Variants in NSMAF observed in about 807,000 individuals in gnomAD.
NSMAF encodes protein FAN.
NSMAF carries 90 observed loss-of-function variants against 134.9 expected under a neutral mutation model. The observed-to-expected ratio is 0.67, with a 90% CI of 0.56 to 0.79. The LOEUF (loss-of-function observed/expected upper bound fraction) is 0.79, where lower values mean the gene tolerates loss of function less well. NSMAF is among the 30% of genes least tolerant of loss of function. NSMAF has a pLI of 0.00. For missense variants in NSMAF, 1,010 were observed against 1,119.0 expected, an observed-to-expected ratio of 0.90 and a Z score of 1.39; for synonymous variants, 358 against 389.6, an observed-to-expected ratio of 0.92 and a Z score of 0.96.
chr8:58,658,631 A>G (rs1807776609), intron 1 of NSMAF, among the ~76,000 whole-genome samples: 4 of 152,232 alleles, frequency 2.6e-5, no homozygotes, highest in Admixed American at 2.6e-4. Flanking sequence ...TGTGGCTCTC[A>G]CAATCAAAAC....
At chr8:58,624,062 G>C (rs12682397) in intron 6 of NSMAF, among the ~76,000 whole-genome samples, 1 of 82,714 alleles carries the variant, frequency 1.2e-5, no homozygotes, top group Non-Finnish European at 2.3e-5. Context: ...TTTTTTTTGA[G>C]ACAGAGTCTT....
chr8:58,640,886 T>C (rs1335896911), intron 2 of NSMAF, among the ~76,000 whole-genome samples: 1 of 151,976 alleles, frequency 6.6e-6, no homozygotes, highest in Non-Finnish European at 1.5e-5. Flanking sequence ...TTCTCTTTGA[T>C]TTTTAGGGTT....
intron 16 of NSMAF, 131 bp from the exon 17 acceptor site, chr8:58,600,152 C>A: frequency 1.5e-6 from 1 of 682,844 alleles, no homozygotes; most frequent in South Asian, 1.9e-5. Flanking sequence ...ATAGTTCTAA[C>A]CATCTCTCTG....
chr8:58,623,822 A>C (rs757391853), intron 6 of NSMAF, 42 bp from the exon 7 acceptor site: 1 of 1,506,052 alleles, frequency 6.6e-7, no homozygotes, highest in East Asian at 2.3e-5. Flanking sequence ...GAAGAGAAGA[A>C]GTGTGCCAAA....
chr8:58,637,460 C>A (rs1339992981), intron 2 of NSMAF: 2 of 455,170 alleles, frequency 4.4e-6, no homozygotes, highest in East Asian at 1.4e-4. Context: ...CCCACTCTTA[C>A]CACTACTATT....
rs1295214525 is a variant in NSMAF, at chr8:58,606,023, A to G, written c.772T>C (p.Phe258Leu). 6.3e-7 allele frequency: 1 copy of G among 1,589,574 alleles called. No individual in the cohort carries two copies. The highest frequency in any genetic ancestry group is 1.4e-5 in the African/African-American group (1 of 73,488). The change falls in exon 12 of 31, where the codon TTT (phenylalanine) becomes CTT (leucine). Residue 258 changes from phenylalanine to leucine, a missense_variant. Phe to Leu is a conservative substitution (Grantham distance 22). Coordinates refer to ENST00000038176, the MANE Select transcript of NSMAF (RefSeq NM_003580.4). ...HGLMPLGLEV[F>L]CTEDDLCSDI... ...GAACACAGATCATCTTCTGTGCAAAATACTTCCAAGCCCTATAAATTCAAA... is the reference window on the plus strand; with the variant it reads ...GAACACAGATCATCTTCTGTGCAAAGTACTTCCAAGCCCTATAAATTCAAA...
chr8:58,619,737 C>A (rs1346857499), intron 9 of NSMAF, among the ~76,000 whole-genome samples: 2 of 151,846 alleles, frequency 1.3e-5, no homozygotes, highest in Admixed American at 6.6e-5. Context: ...ACAGGAAAGA[C>A]CTTTATGAAG....
intron 24 of NSMAF, 113 bp downstream of exon 24, chr8:58,590,754 C>T: frequency 7.8e-6 from 9 of 1,146,542 alleles, no homozygotes; most frequent in Non-Finnish European, 1.1e-5. Context: ...GGTAGATTTA[C>T]TACACAGGAA....
At chr8:58,613,155 C>G (rs1014078036) in intron 9 of NSMAF, among the ~76,000 whole-genome samples, 1 of 152,004 alleles carries the variant, frequency 6.6e-6, no homozygotes, top group Admixed American at 6.6e-5. Flanking sequence ...TTATAAACAT[C>G]TAAATATCTA....
At chr8:58,619,651 CAG>C (rs1413547114) in intron 9 of NSMAF, among the ~76,000 whole-genome samples, 53 of 151,970 alleles carry the variant, frequency 3.5e-4, no homozygotes, top group African/African-American at 1.3e-3. Context: ...CAACAATAAA[CAG>C]AAAATAAAAT....
At chr8:58,659,512 C>T in intron 1 of NSMAF, 61 bp downstream of exon 1, 3 of 1,505,706 alleles carry the variant, frequency 2.0e-6, no homozygotes, top group South Asian at 1.3e-5. Flanking sequence ...CTCCGGCCGG[C>T]GTCCCCACGA....
intron 1 of NSMAF, among the ~76,000 whole-genome samples, chr8:58,653,597 T>C (rs1262405080): frequency 6.6e-6 from 1 of 152,032 alleles, no homozygotes; most frequent in East Asian, 1.9e-4. Context: ...TATATATTGA[T>C]AAAAAATTCA....
intron 26 of NSMAF, among the ~76,000 whole-genome samples, chr8:58,588,933 GA>G (rs1805957745): frequency 6.6e-6 from 1 of 151,866 alleles, no homozygotes; most frequent in Non-Finnish European, 1.5e-5. Flanking sequence ...ACACAGTACA[GA>G]AATCATGATA....
In NSMAF at chr8:58,595,549, G is replaced by A. The variant is rs1424210108; in HGVS notation, c.1892+11C>T. The A allele has an allele frequency of 6.3e-7, 1 of 1,576,566 alleles. No individual in the cohort carries two copies. The highest frequency in any genetic ancestry group is 1.3e-5 in the African/African-American group (1 of 74,190). On this transcript the variant is annotated intron_variant, in intron 22 of 30. Coordinates refer to ENST00000038176, the MANE Select transcript of NSMAF (RefSeq NM_003580.4). ...CTATCAGCTGCTGAGAAGAAGCAGAGATATTCTTACTCTTTGTGGATTTTA... is the reference window on the plus strand; with the variant it reads ...CTATCAGCTGCTGAGAAGAAGCAGAAATATTCTTACTCTTTGTGGATTTTA...
In NSMAF at chr8:58,646,531, T is replaced by C. The variant is rs187375294; in HGVS notation, c.60-3458A>G. On this transcript the variant is annotated intron_variant, in intron 1 of 30. Coordinates refer to ENST00000038176, the MANE Select transcript of NSMAF (RefSeq NM_003580.4). ...ATCAATATGCATATTTTGCAAGAAA[T>C]GTAAAACACACAGTGAAGGGATATA... Among the ~76,000 whole-genome samples, 1,215 of 152,310 alleles carry C rather than the reference T, an allele frequency of 8.0e-3. 19 individuals carry two copies. Among genetic ancestry groups the C allele is most frequent in the African/African-American group, 0.027 (1,136 of 41,560 alleles).
intron 21 of NSMAF, 191 bp from the exon 22 acceptor site, chr8:58,595,850 A>G: frequency 1.9e-6 from 1 of 513,624 alleles, no homozygotes; most frequent in East Asian, 3.2e-5. Flanking sequence ...AGAGAAAGAT[A>G]AAAAGTATCT....
intron 9 of NSMAF, among the ~76,000 whole-genome samples, chr8:58,610,582 C>T (rs1004240145): frequency 3.9e-5 from 6 of 152,020 alleles, no homozygotes; most frequent in Non-Finnish European, 5.9e-5. Flanking sequence ...GTAAAGCAAC[C>T]TAAATGAACA....
intron 2 of NSMAF, chr8:58,637,390 C>T (rs1216409728): frequency 2.2e-5 from 10 of 455,954 alleles, no homozygotes; most frequent in South Asian, 1.4e-4. Context: ...ATTTCTAGGC[C>T]TTTTCAAAAG....
intron 11 of NSMAF, among the ~76,000 whole-genome samples, chr8:58,606,696 C>T (rs1806418082): frequency 6.6e-6 from 1 of 152,168 alleles, no homozygotes. Flanking sequence ...TAAGGCTGAG[C>T]TAGCAAAGGA....
Sources: allele counts gnomAD v4.1 joint callset (sites outside exome capture counted in the v4.1 genomes callset), GRCh38; gene constraint gnomAD v4.1.1; transcripts MANE v1.5; gene names NCBI Gene and HGNC (gene_info 2026-07-23, HGNC 2026-07-21).